Variants in NBAS observed in about 807,000 individuals in gnomAD.
NBAS encodes the protein NAG/BC035112 fusion.
Under a neutral mutation model 302.5 loss-of-function variants are expected in NBAS, and 219 were observed. That is an observed-to-expected ratio of 0.72 (90% CI 0.65 to 0.81). The LOEUF is 0.81. NBAS is among the 30% of genes least tolerant of loss of function. The probability of loss-of-function intolerance (pLI) is 0.00; values close to 1 mark genes in which losing one functional copy is unlikely to be tolerated. For synonymous variants in NBAS, 1,118 were observed against 1,021.6 expected (o/e 1.09, Z -1.80); for missense variants, 2,932 against 2,841.6 (o/e 1.03, Z -0.72).
At chr2:15,391,943 C>A (rs1380094037) in intron 28 of NBAS, among the ~76,000 whole-genome samples, 1 of 149,316 alleles carries the variant, frequency 6.7e-6, no homozygotes, top group Non-Finnish European at 1.5e-5. Flanking sequence ...TGAATATATC[C>A]TTCAGAGAAA....
the NBAS span, among the ~76,000 whole-genome samples, chr2:15,146,749 C>A: frequency 6.6e-6 from 1 of 152,128 alleles, no homozygotes; most frequent in Non-Finnish European, 1.5e-5. Context: ...TGGCCCCTAT[C>A]CCCGTGGGCC....
intron 38 of NBAS, 22 bp downstream of exon 38, chr2:15,327,728 G>A (rs1672137307): frequency 1.2e-6 from 2 of 1,613,030 alleles, no homozygotes; most frequent in Middle Eastern, 1.6e-4. Flanking sequence ...CACTGTCAAG[G>A]GACTAGAACC....
chr2:15,052,481 G>A, the NBAS span, among the ~76,000 whole-genome samples: 75,118 of 151,930 alleles, frequency 0.49, 20,865 homozygotes, highest in African/African-American at 0.77. Context: ...GGTGGCTGTC[G>A]TCTCCCACCT....
At chr2:15,417,808 C>A (rs767336661) in intron 23 of NBAS, 96 bp from the exon 24 acceptor site, 3 of 1,233,654 alleles carry the variant, frequency 2.4e-6, no homozygotes. Context: ...TTCTTATAAT[C>A]ATTTTTTATA....
At chr2:15,217,169 A>T (rs1463522469) in intron 48 of NBAS, among the ~76,000 whole-genome samples, 1 of 152,192 alleles carries the variant, frequency 6.6e-6, no homozygotes, top group Non-Finnish European at 1.5e-5. Flanking sequence ...TGGTTTCCTC[A>T]AGTAATTCAA....
At chr2:15,391,903 T>C (rs1393295895) in intron 28 of NBAS, among the ~76,000 whole-genome samples, 3 of 150,358 alleles carry the variant, frequency 2.0e-5, no homozygotes, top group South Asian at 2.1e-4. Context: ...AACTGTCACA[T>C]TGGAAGTGAA....
intron 35 of NBAS, among the ~76,000 whole-genome samples, chr2:15,334,726 A>G (rs549007826): frequency 7.2e-5 from 11 of 152,334 alleles, no homozygotes; most frequent in African/African-American, 2.6e-4. Context: ...GCCAGCATAT[A>G]TTCTCCTTTC....
At chr2:15,014,065 T>A in the NBAS span, among the ~76,000 whole-genome samples, 2 of 152,050 alleles carry the variant, frequency 1.3e-5, no homozygotes, top group African/African-American at 4.8e-5. Context: ...AATGACATTA[T>A]ATAGGAATAA....
At chr2:14,872,408 AT>A in the NBAS span, among the ~76,000 whole-genome samples, 8 of 151,544 alleles carry the variant, frequency 5.3e-5, no homozygotes, top group Admixed American at 1.3e-4. Flanking sequence ...GAATATGCAT[AT>A]TTTTTTTCTT....
At chr2:14,850,889 A>C in the NBAS span, among the ~76,000 whole-genome samples, 2 of 134,792 alleles carry the variant, frequency 1.5e-5, no homozygotes, top group South Asian at 2.4e-4. Context: ...AACGAGAACA[A>C]AGACACAACA....
Position 15,534,697 on chromosome 2 carries a change from C to T in NBAS, c.648-56G>A. 3 of 1,195,468 alleles carry T rather than the reference C, an allele frequency of 2.5e-6. No individual in the cohort carries two copies. The South Asian group carries it at 3.6e-5, about 14-fold the overall frequency. The allele number at this position is 1,195,468 out of a possible 1,614,324, so 74.1% of individuals were successfully genotyped here. A position where few individuals can be genotyped will look rare whatever the true frequency, so the allele number is the denominator to read the frequency against. ...TACCATTAAACCACAATGAATATCA[C>T]TAAATACCCAATAAAATGTTTAGAA... On this transcript the variant is annotated intron_variant, in intron 8 of 51. Transcript: ENST00000281513.
the NBAS span, among the ~76,000 whole-genome samples, chr2:14,936,579 G>A: frequency 6.6e-6 from 1 of 152,160 alleles, no homozygotes; most frequent in African/African-American, 2.4e-5. Context: ...AATCTCAAAG[G>A]CCACTTCTGA....
the NBAS span, among the ~76,000 whole-genome samples, chr2:14,861,872 A>G: frequency 6.6e-6 from 1 of 152,332 alleles, no homozygotes; most frequent in Admixed American, 6.5e-5. Context: ...GGGCTTTCCT[A>G]CATTTATTGC....
the NBAS span, among the ~76,000 whole-genome samples, chr2:14,804,864 G>A: frequency 7.2e-5 from 11 of 152,178 alleles, no homozygotes; most frequent in Non-Finnish European, 1.5e-5. Context: ...ATAAGAACAG[G>A]CCTAAAAGAT....
At chr2:14,948,804 A>G in the NBAS span, among the ~76,000 whole-genome samples, 1 of 152,206 alleles carries the variant, frequency 6.6e-6, no homozygotes, top group African/African-American at 2.4e-5. Flanking sequence ...AAAAAGAACA[A>G]AGGTGGAGGC....
the NBAS span, among the ~76,000 whole-genome samples, chr2:15,117,280 A>G: frequency 1.3e-4 from 20 of 152,318 alleles, no homozygotes; most frequent in East Asian, 3.7e-3. Context: ...ACACCCTGGC[A>G]GATAGGAAGG....
chr2:15,116,527 CT>C, the NBAS span, among the ~76,000 whole-genome samples: 1 of 152,126 alleles, frequency 6.6e-6, no homozygotes, highest in Admixed American at 6.5e-5. Context: ...CCTTAATTAC[CT>C]TTTTAAAGGT....
In NBAS at chr2:15,285,493, A is replaced by C. The variant is rs10186765; in HGVS notation, c.5138+1580T>G. 7.3e-3 allele frequency among the ~76,000 whole-genome samples: 1,114 copies of C among 152,166 alleles called. 11 individuals are homozygous for C. The highest frequency in any genetic ancestry group is 0.026 in the African/African-American group (1,059 of 41,500). On this transcript the variant is annotated intron_variant, in intron 42 of 51. Transcript: ENST00000281513. ...TTTCCTCATTCTCTGTTCTTTCCCC[A>C]AGCATATCCACAACATCACTATTTC...
At chr2:15,147,486 G>A in the NBAS span, among the ~76,000 whole-genome samples, 8 of 152,150 alleles carry the variant, frequency 5.3e-5, no homozygotes, top group African/African-American at 1.4e-4. Context: ...CCAGCTACTC[G>A]GGAGGCTGAG....
Sources: gnomAD v4.1 joint callset for allele counts (sites outside exome capture counted in the v4.1 genomes callset) on GRCh38, gnomAD v4.1.1 for gene constraint, MANE v1.5 for transcripts, NCBI Gene and HGNC (gene_info 2026-07-23, HGNC 2026-07-21) for gene names.